AKAP6: variants seen among roughly 807,000 people sequenced by gnomAD.
The protein encoded by AKAP6 is A-kinase anchoring protein 6, also known as A-kinase anchor protein 6.
Under a neutral mutation model 188.5 loss-of-function variants are expected in AKAP6, and 58 were observed. That is an observed-to-expected ratio of 0.31 (90% CI 0.25 to 0.38). AKAP6 has a LOEUF of 0.38. Among genes scored for constraint, AKAP6 ranks in the 10% least tolerant of loss-of-function variants. AKAP6 has a pLI of 1.00. For synonymous variants in AKAP6, 989 were observed against 998.6 expected (o/e 0.99, Z 0.18); for missense variants, 2,710 against 2,740.0 (o/e 0.99, Z 0.24).
chr14:32,454,099 A>G (rs1891039379), intron 2 of AKAP6, among the ~76,000 whole-genome samples: 1 of 152,120 alleles, frequency 6.6e-6, no homozygotes, highest in South Asian at 2.1e-4. Context: ...TATGCAGGAG[A>G]TTTCAGTCAG....
At chr14:32,749,222 G>A (rs1476738927) in intron 11 of AKAP6, among the ~76,000 whole-genome samples, 1 of 152,108 alleles carries the variant, frequency 6.6e-6, no homozygotes, top group Non-Finnish European at 1.5e-5. Context: ...TTTTTTGATT[G>A]AGAAGATTCC....
chr14:32,733,562 T>C (rs1423101505), intron 10 of AKAP6: 2 of 152,136 alleles, frequency 1.3e-5, no homozygotes, highest in Non-Finnish European at 2.9e-5. Flanking sequence ...CCTTGATGAT[T>C]TGGAGGAATG....
chr14:32,461,489 C>G (rs2138822311), intron 2 of AKAP6, among the ~76,000 whole-genome samples: 2 of 152,288 alleles, frequency 1.3e-5, no homozygotes, highest in South Asian at 4.1e-4. Flanking sequence ...AGGAGCCTGG[C>G]TGTTAGAAGA....
intron 2 of AKAP6, among the ~76,000 whole-genome samples, chr14:32,436,178 A>G (rs971084715): frequency 6.6e-6 from 1 of 152,212 alleles, no homozygotes; most frequent in Admixed American, 6.5e-5. Flanking sequence ...AAGTTACCCA[A>G]TTTATTAATT....
At chr14:32,581,160 G>A (rs1157318028) in intron 5 of AKAP6, among the ~76,000 whole-genome samples, 1 of 152,172 alleles carries the variant, frequency 6.6e-6, no homozygotes, top group Non-Finnish European at 1.5e-5. Flanking sequence ...CTAGTTTACA[G>A]TCCCACCAAC....
chr14:32,371,332 T>A (rs779162582), intron 1 of AKAP6, among the ~76,000 whole-genome samples: 9 of 152,200 alleles, frequency 5.9e-5, no homozygotes, highest in Non-Finnish European at 1.0e-4. Flanking sequence ...CATGTTTGTA[T>A]GTTTGGGAGG....
At chr14:32,684,749 T>TC (rs985621462) in intron 8 of AKAP6, among the ~76,000 whole-genome samples, 4 of 152,050 alleles carry the variant, frequency 2.6e-5, no homozygotes, top group African/African-American at 7.2e-5. Flanking sequence ...TCATGTTTTT[T>TC]TTTTTGAGAA....
chr14:32,765,637 T>C (rs1035224368), intron 11 of AKAP6, among the ~76,000 whole-genome samples: 1 of 151,392 alleles, frequency 6.6e-6, no homozygotes, highest in African/African-American at 2.4e-5. Context: ...CAGAAATACA[T>C]AGATGTATAT....
At chr14:32,800,813 G>A (rs994389975) in intron 12 of AKAP6, among the ~76,000 whole-genome samples, 3 of 151,934 alleles carry the variant, frequency 2.0e-5, no homozygotes, top group South Asian at 4.2e-4. Context: ...TCAGAAATTC[G>A]AGACCAACCT....
At chr14:32,759,108 G>A (rs1339230020) in intron 11 of AKAP6, among the ~76,000 whole-genome samples, 1 of 152,154 alleles carries the variant, frequency 6.6e-6, no homozygotes, top group Non-Finnish European at 1.5e-5. Context: ...GAAAAAAAAT[G>A]GCCTAACTTA....
chr14:32,441,148 C>G (rs1890563924), intron 2 of AKAP6, among the ~76,000 whole-genome samples: 1 of 152,098 alleles, frequency 6.6e-6, no homozygotes, highest in South Asian at 2.1e-4. Context: ...TATAAATTAC[C>G]CAGTCTAAGG....
At chr14:32,418,515 A>G (rs1259651172) in intron 1 of AKAP6, among the ~76,000 whole-genome samples, 1 of 152,136 alleles carries the variant, frequency 6.6e-6, no homozygotes, top group Non-Finnish European at 1.5e-5. Context: ...CAGAGGGGAG[A>G]GAATATGGGT....
chr14:32,774,204 A>AT (rs1345153801), intron 12 of AKAP6, among the ~76,000 whole-genome samples: 1 of 152,224 alleles, frequency 6.6e-6, no homozygotes, highest in Non-Finnish European at 1.5e-5. Flanking sequence ...AACCTAAGCC[A>AT]TTAATTCTTT....
rs981624605 is a variant in AKAP6 at position 32,833,361 on chromosome 14, A to G, written c.*3556A>G. 2 of 152,214 alleles carry G rather than the reference A, an allele frequency of 1.3e-5. No homozygotes were observed. Among genetic ancestry groups the G allele is most frequent in the East Asian group, 3.8e-4 (2 of 5,206 alleles). The allele number at this position is 152,214 out of a possible 1,614,324, so 9.4% of individuals were successfully genotyped here. A position where few individuals can be genotyped will look rare whatever the true frequency, so the allele number is the denominator to read the frequency against. On this transcript the variant is annotated 3_prime_UTR_variant, in exon 14 of 14. Transcript: ENST00000280979. ...TGACTTTTGTCTCAATTAAATGATG[A>G]CCTCATTTAGTTTCTGATGAAGTTT...
chr14:32,360,712 A>AGT (rs35969035), intron 1 of AKAP6, among the ~76,000 whole-genome samples: 37,533 of 135,896 alleles, frequency 0.28, 5,256 homozygotes, highest in Non-Finnish European at 0.33. Flanking sequence ...TTGGCCATTG[A>AGT]GTGTGTGTGT....
chr14:32,785,790 T>A (rs1336620961), intron 12 of AKAP6, among the ~76,000 whole-genome samples: 2 of 152,280 alleles, frequency 1.3e-5, no homozygotes, highest in African/African-American at 4.8e-5. Context: ...CTGTACCATA[T>A]AAACGAATGC....
chr14:32,709,896 T>G (rs947694921), intron 9 of AKAP6, among the ~76,000 whole-genome samples: 4 of 152,082 alleles, frequency 2.6e-5, no homozygotes, highest in African/African-American at 9.7e-5. Context: ...AAAAAAATTT[T>G]TTTAAGTCAT....
chr14:32,699,760 C>T (rs1890551100), intron 9 of AKAP6, among the ~76,000 whole-genome samples: 2 of 152,188 alleles, frequency 1.3e-5, no homozygotes, highest in African/African-American at 2.4e-5. Context: ...CTTCCTCAAC[C>T]TGAGAATTAC....
chr14:32,821,784 T>C lies in AKAP6; in HGVS notation c.3971T>C (p.Leu1324Pro). 1 of 1,613,770 alleles carries C rather than the reference T, an allele frequency of 6.2e-7. No homozygotes were observed. The highest frequency in any genetic ancestry group is 1.1e-5 in the South Asian group (1 of 91,076). Residue 1324 changes from leucine to proline, a missense_variant, in exon 13 of 14, where the codon CTC becomes CCC. Leu to Pro is a moderately conservative substitution (Grantham distance 98). This residue lies in a region of AKAP6 where 2,473 missense variants were observed against 2,426.1 expected (regional missense o/e 1.02). Transcript: ENST00000280979. ...CAGCCTAATGTTTTAACTAAGAGTC[T>C]CAGTAAAGACTCTTCATTTTCATCT... ...MTQPNVLTKS[L>P]SKDSSFSSTK...
Sources: gnomAD v4.1 joint callset for allele counts (sites outside exome capture counted in the v4.1 genomes callset) on GRCh38, gnomAD v4.1.1 for gene constraint, gnomAD v4.1.1 regional missense constraint, MANE v1.5 for transcripts, NCBI Gene and HGNC (gene_info 2026-07-23, HGNC 2026-07-21) for gene names.